ENOX2: variants seen among roughly 807,000 people sequenced by gnomAD.
ENOX2 encodes the protein APK1 antigen.
Under a neutral mutation model 45.0 loss-of-function variants are expected in ENOX2, and 36 were observed. That is an observed-to-expected ratio of 0.80 (90% CI 0.61 to 1.06). The LOEUF is 1.06. Among genes scored for constraint, ENOX2 ranks in the 50% least tolerant of loss-of-function variants. The probability of loss-of-function intolerance (pLI) is 0.00; values close to 1 mark genes in which losing one functional copy is unlikely to be tolerated. For missense variants in ENOX2, 423 were observed against 462.5 expected, an observed-to-expected ratio of 0.91 and a Z score of 0.78; for synonymous variants, 174 against 152.3, an observed-to-expected ratio of 1.14 and a Z score of -1.05.
At chrX:130,718,860 G>A (rs2038397108) in intron 3 of ENOX2, among the ~76,000 whole-genome samples, 1 of 111,722 alleles carries the variant, frequency 9.0e-6, no homozygotes, top group Non-Finnish European at 1.9e-5. Flanking sequence ...TGTTTGCTCT[G>A]GTCTACGTCA....
At chrX:130,816,833 C>G (rs2077495599) in intron 2 of ENOX2, among the ~76,000 whole-genome samples, 2 of 111,347 alleles carry the variant, frequency 1.8e-5, no homozygotes, top group South Asian at 7.5e-4. Context: ...AATCGAAACC[C>G]TAACATCACA....
intron 4 of ENOX2, among the ~76,000 whole-genome samples, chrX:130,702,408 G>C (rs1343815322): frequency 9.0e-6 from 1 of 111,347 alleles, no homozygotes; most frequent in Non-Finnish European, 1.9e-5. Context: ...ACAATTAATT[G>C]AATCTGGGGA....
intron 2 of ENOX2, among the ~76,000 whole-genome samples, chrX:130,898,153 G>A (rs1391965402): frequency 1.8e-5 from 2 of 110,414 alleles, no homozygotes; most frequent in South Asian, 3.9e-4. Context: ...GATTACAGGC[G>A]CATGCCATCA....
At chrX:130,734,862 G>A (rs1261236179) in intron 3 of ENOX2, among the ~76,000 whole-genome samples, 4 of 111,949 alleles carry the variant, frequency 3.6e-5, no homozygotes, top group African/African-American at 1.3e-4. Flanking sequence ...TGACTTTCAG[G>A]CCTTCCCAAA....
At chrX:130,684,370 G>T (rs778290810) in intron 5 of ENOX2, among the ~76,000 whole-genome samples, 41 of 112,010 alleles carry the variant, frequency 3.7e-4, no homozygotes, top group African/African-American at 1.3e-3. Flanking sequence ...CAGTTGTCTT[G>T]ATTTATAAAC....
intron 2 of ENOX2, among the ~76,000 whole-genome samples, chrX:130,786,220 C>G (rs1211288456): frequency 9.0e-6 from 1 of 111,529 alleles, no homozygotes; most frequent in Non-Finnish European, 1.9e-5. Context: ...AGAATTAATG[C>G]CACAGCTTAA....
At chrX:130,825,167 A>C (rs946248195) in intron 2 of ENOX2, among the ~76,000 whole-genome samples, 7 of 112,087 alleles carry the variant, frequency 6.2e-5, no homozygotes, top group African/African-American at 2.3e-4. Flanking sequence ...TCATAAAATG[A>C]AATATTCTAC....
At chrX:130,821,242 G>A (rs760670738) in intron 2 of ENOX2, among the ~76,000 whole-genome samples, 155 of 107,259 alleles carry the variant, frequency 1.4e-3, no homozygotes, top group African/African-American at 5.1e-3. Flanking sequence ...ACATGCACAC[G>A]TATGTTTACT....
At chrX:130,745,099 C>T (rs967853691) in intron 3 of ENOX2, among the ~76,000 whole-genome samples, 4 of 111,501 alleles carry the variant, frequency 3.6e-5, no homozygotes, top group East Asian at 2.8e-4. Flanking sequence ...AAAAAGGTTG[C>T]GGACGGCTGT....
At chrX:130,900,293 C>T (rs2079124075) in intron 2 of ENOX2, among the ~76,000 whole-genome samples, 1 of 112,427 alleles carries the variant, frequency 8.9e-6, no homozygotes, top group South Asian at 3.7e-4. Context: ...GAAGTAAAAT[C>T]CAAAGTAATC....
intron 4 of ENOX2, among the ~76,000 whole-genome samples, chrX:130,689,901 T>C (rs911183283): frequency 9.0e-6 from 1 of 111,399 alleles, no homozygotes; most frequent in African/African-American, 3.3e-5. Flanking sequence ...TGGCAGCATT[T>C]TCGTGGCACA....
At chrX:130,680,537 G>A (rs780954588) in intron 5 of ENOX2, among the ~76,000 whole-genome samples, 1 of 111,750 alleles carries the variant, frequency 8.9e-6, no homozygotes, top group Non-Finnish European at 1.9e-5. Context: ...AAAAAAATAT[G>A]CACTCATCTT....
rs1375799158 is a variant in ENOX2, at chrX:130,624,120, C to T, written c.*1194G>A. On this transcript the variant is annotated 3_prime_UTR_variant, in exon 15 of 15. Coordinates refer to ENST00000394363, the MANE Select transcript of ENOX2 (RefSeq NM_006375.4). ...AAGACCATCTCTGCCTCAGGACATT[C>T]GCCCCAAACCTCCATCCTCTCTGTT... The T allele has an allele frequency of 1.8e-5, 2 of 110,324 alleles. No homozygotes were observed. The highest frequency in any genetic ancestry group is 3.3e-5 in the African/African-American group (1 of 30,310). The allele number at this position is 110,324 out of a possible 1,213,427, so 9.1% of individuals were successfully genotyped here.
At chrX:130,740,076 T>C (rs2038947102) in intron 3 of ENOX2, among the ~76,000 whole-genome samples, 1 of 112,005 alleles carries the variant, frequency 8.9e-6, no homozygotes, top group Non-Finnish European at 1.9e-5. Context: ...GAGAACATAT[T>C]TAAAATATAA....
chrX:130,828,329 CTT>C (rs1302716221), intron 2 of ENOX2, among the ~76,000 whole-genome samples: 5 of 111,941 alleles, frequency 4.5e-5, no homozygotes, highest in African/African-American at 1.6e-4. Flanking sequence ...GTTGATAAAA[CTT>C]TGCATTAATA....
chrX:130,641,792 A>G (rs1474298436), intron 10 of ENOX2, among the ~76,000 whole-genome samples: 1 of 110,887 alleles, frequency 9.0e-6, no homozygotes. Context: ...ACGGAACAAC[A>G]AAGTCTGGGT....
chrX:130,898,074 C>A lies in ENOX2; in HGVS notation c.-183+3610G>T, dbSNP rs1443244349. ...CCAGGCTGGAGTGTAGTGGTGCAAT[C>A]TTGGCTCACTGCAACCTCCGCCTCC... On this transcript the variant is annotated intron_variant, in intron 2 of 14. Transcript: ENST00000394363. Among the ~76,000 whole-genome samples the A allele has an allele frequency of 3.6e-5, 4 of 109,966 alleles. No homozygotes were observed. In the Admixed American group the frequency reaches 3.8e-4, roughly 11 times the overall value.
chrX:130,750,366 ATCTG>A (rs2039190561), intron 3 of ENOX2, among the ~76,000 whole-genome samples: 1 of 108,451 alleles, frequency 9.2e-6, no homozygotes. Flanking sequence ...TGTGTTACCC[ATCTG>A]TCTGTCTGTA....
chrX:130,636,121 T>C (rs749082785), intron 11 of ENOX2, among the ~76,000 whole-genome samples: 2 of 112,017 alleles, frequency 1.8e-5, no homozygotes, highest in East Asian at 2.8e-4. Flanking sequence ...ACAATGTACA[T>C]TGTCAAAGTT....
Sources: gnomAD v4.1 joint callset for allele counts (sites outside exome capture counted in the v4.1 genomes callset) on GRCh38, gnomAD v4.1.1 for gene constraint, MANE v1.5 for transcripts, NCBI Gene and HGNC (gene_info 2026-07-23, HGNC 2026-07-21) for gene names.